PRLHR: variants seen among roughly 807,000 people sequenced by gnomAD.
PRLHR encodes the protein prolactin releasing hormone receptor, also known as prolactin-releasing peptide receptor.
Under a neutral mutation model 9.3 loss-of-function variants are expected in PRLHR, and 10 were observed. The observed-to-expected ratio is 1.08, with a 90% CI of 0.66 to 1.82. PRLHR has a LOEUF of 1.82. Among genes scored for constraint, PRLHR ranks in the 40% most tolerant of loss-of-function variants. The pLI is 0.00. For missense variants in PRLHR, 589 were observed against 512.0 expected (o/e 1.15, Z -1.45); for synonymous variants, 261 against 249.3 (o/e 1.05, Z -0.44).
At position 118,594,910 on chromosome 10, in the gene PRLHR, G is replaced by A. The variant is rs1045407572; in HGVS notation, c.335C>T (p.Ala112Val). 78 of 1,613,406 alleles carry A rather than the reference G, an allele frequency of 4.8e-5. No homozygotes were observed. Among genetic ancestry groups the A allele is most frequent in the Non-Finnish European group, 6.5e-5 (77 of 1,179,892 alleles). Residue 112 changes from alanine (A) to valine (V), a missense_variant, in exon 2 of 2, where the codon GCC becomes GTC. Physicochemically the swap from Ala to Val is moderately conservative, Grantham distance 64. Coordinates refer to ENST00000239032, the MANE Select transcript of PRLHR (RefSeq NM_004248.3). ...ATAGGCCAGCGTGAGCGGCACGCAG[G>A]CGGTGCACATGAGCACGTCGGACAA... ...LALSDVLMCT[A>V]CVPLTLAYAF...
At position 118,595,496 on chromosome 10, in the gene PRLHR, A is replaced by G. The variant is rs1844487823; in HGVS notation, c.-7+20T>C. ...CGGTCCTCGCAGTCCACGCAGGCAG[A>G]CTCAGGAGCGCGATCCTACCTGGGA... On this transcript the variant is annotated intron_variant, in intron 1 of 1. Coordinates refer to ENST00000239032, the MANE Select transcript of PRLHR (RefSeq NM_004248.3). 5 of 361,886 alleles carry G rather than the reference A, an allele frequency of 1.4e-5. No individual in the cohort carries two copies. Among genetic ancestry groups the G allele is most frequent in the Non-Finnish European group, 2.0e-5 (4 of 203,042 alleles). 22.4% of individuals were successfully genotyped at this position (361,886 alleles called of 1,614,324 possible).
Position 118,591,097 on chromosome 10 carries a change from GTTGTTTTTGT to G in PRLHR, c.*3025_*3034del, listed in dbSNP as rs1844428433. 1.4e-5 allele frequency: 2 copies of G among 148,130 alleles called. No homozygotes were observed. The highest frequency in any genetic ancestry group is 5.1e-5 in the African/African-American group (2 of 39,428). 9.2% of individuals were successfully genotyped at this position (148,130 alleles called of 1,614,324 possible). On this transcript the variant is annotated 3_prime_UTR_variant, in exon 2 of 2. Coordinates refer to ENST00000239032, the MANE Select transcript of PRLHR (RefSeq NM_004248.3). The stretch of plus-strand genomic sequence containing the variant: ...GTAAATTTGTTTTTTGTTGTTTTTT[GTTGTTTTTGT>G]TTTTTTTGTTTTTTTGAGACTAGAT...
Position 118,595,065 on chromosome 10 carries a change from C to G in PRLHR, c.180G>C (p.Lys60Asn), listed in dbSNP as rs1255030139. The change falls in exon 2 of 2, where the codon AAG (lysine) becomes AAC (asparagine). Residue 60 changes from lysine (K) to asparagine (N), a missense_variant. By Grantham distance (94) the Lys-to-Asn change is moderately conservative. Coordinates refer to ENST00000239032, the MANE Select transcript of PRLHR (RefSeq NM_004248.3). ...FQSLQLVHQL[K>N]GLIVLLYSVV... ...CGCTGTAGAGCAGCACGATCAGCCC[C>G]TTCAGCTGATGCACCAGCTGCAGGC... 5 of 1,605,910 alleles carry G rather than the reference C, an allele frequency of 3.1e-6. No homozygotes were observed. The highest frequency in any genetic ancestry group is 3.4e-6 in the Non-Finnish European group (4 of 1,174,702).
rs897722194 is a variant in PRLHR, at chr10:118,592,032, G to T, written c.*2100C>A. Reference sequence around the variant, plus strand: ...ATTCTTAAGGTGCTTAATCTTGGTTGCACATTAAAATCCCCTGAAGTGCTT... The same window carrying T: ...ATTCTTAAGGTGCTTAATCTTGGTTTCACATTAAAATCCCCTGAAGTGCTT... On this transcript the variant is annotated 3_prime_UTR_variant, in exon 2 of 2. Transcript: ENST00000239032. The T allele has an allele frequency of 6.6e-6, 1 of 151,878 alleles. No individual in the cohort carries two copies. Among genetic ancestry groups the T allele is most frequent in the Admixed American group, 6.6e-5 (1 of 15,258 alleles). The allele number at this position is 151,878 out of a possible 1,614,324, so 9.4% of individuals were successfully genotyped here.
At position 118,594,955 on chromosome 10, in the gene PRLHR, A is replaced by C. The variant is rs1392764720; in HGVS notation, c.290T>G (p.Phe97Cys). The C allele has an allele frequency of 6.2e-7, 1 of 1,613,660 alleles. No homozygotes were observed. The highest frequency in any genetic ancestry group is 1.1e-5 in the South Asian group (1 of 91,074). ...GGACAAGGCCAGGTTGCCGATGAGG[A>C]AGTTCGTCACGTTGTGCAGCCGGCG... is the stretch of plus-strand genomic sequence containing the variant. Reference protein sequence around the residue: ...RVRRLHNVTNFLIGNLALSDV... With the variant: ...RVRRLHNVTNCLIGNLALSDV... The change falls in exon 2 of 2, where the codon TTC (phenylalanine) becomes TGC (cysteine). Residue 97 changes from phenylalanine (F) to cysteine (C), a missense_variant. Physicochemically the swap from Phe to Cys is radical, Grantham distance 205. Transcript: ENST00000239032.
chr10:118,593,952 A>T lies in PRLHR; in HGVS notation c.*180T>A. 1 of 1,067,594 alleles carries T rather than the reference A, an allele frequency of 9.4e-7. No homozygotes were observed. 66.1% of individuals were successfully genotyped at this position (1,067,594 alleles called of 1,614,324 possible). Reference sequence around the variant, plus strand: ...CAAGACTCTCACCAAAGCCCGCTTAACATTTTACAAACACACAAGGACAAG... The same window carrying T: ...CAAGACTCTCACCAAAGCCCGCTTATCATTTTACAAACACACAAGGACAAG... On this transcript the variant is annotated 3_prime_UTR_variant, in exon 2 of 2. Transcript: ENST00000239032.
Position 118,594,276 on chromosome 10 carries a change from G to A in PRLHR, c.969C>T (p.Leu323=). The A allele has an allele frequency of 5.6e-6, 9 of 1,605,436 alleles. No individual in the cohort carries two copies. The highest frequency in any genetic ancestry group is 2.2e-5 in the South Asian group (2 of 89,972). The change falls in exon 2 of 2, where the codon CTC becomes CTT. Residue 323 remains leucine, a synonymous_variant. Coordinates refer to ENST00000239032, the MANE Select transcript of PRLHR (RefSeq NM_004248.3). ...FGLVQLLCHW[L]AMSSACYNPF... The stretch of plus-strand genomic sequence containing the variant: ...GGTTGTAGCAGGCCGAACTCATGGC[G>A]AGCCAGTGGCAGAGCAGCTGCACCA...
Position 118,594,234 on chromosome 10 carries a change from C to A in PRLHR, c.1011G>T (p.Trp337Cys). 6.3e-7 allele frequency: 1 copy of A among 1,598,694 alleles called. No homozygotes were observed. Among genetic ancestry groups the A allele is most frequent in the South Asian group, 1.1e-5 (1 of 88,072 alleles). Residue 337 changes from tryptophan (W) to cysteine (C), a missense_variant, in exon 2 of 2, where the codon TGG becomes TGT. Trp to Cys is a radical substitution (Grantham distance 215). Transcript: ENST00000239032. ...SACYNPFIYA[W>C]LHDSFREELR... ...GCTCCTCGCGGAAGCTGTCGTGCAG[C>A]CAGGCGTAGATGAAGGGGTTGTAGC...
At position 118,594,855 on chromosome 10, in the gene PRLHR, G is replaced by A; in HGVS notation, c.390C>T (p.Gly130=). ...AGAAGACCAGGTGGCACAGGCCGCC[G>A]CCGAACACCCAGCCGCGTGGCTCGA... ...YAFEPRGWVF[G]GGLCHLVFFL... is the part of the protein sequence containing the mutation. Residue 130 remains glycine, a synonymous_variant, in exon 2 of 2, where the codon GGC becomes GGT. Transcript: ENST00000239032. 6.2e-7 allele frequency: 1 copy of A among 1,613,250 alleles called. No individual in the cohort carries two copies. Among genetic ancestry groups the A allele is most frequent in the African/African-American group, 1.3e-5 (1 of 75,068 alleles).
rs1844455057 is a variant in PRLHR at position 118,593,968 on chromosome 10, C to CAAGG, written c.*160_*163dup. On this transcript the variant is annotated 3_prime_UTR_variant, in exon 2 of 2. Transcript: ENST00000239032. ...GCCCGCTTAACATTTTACAAACACA[C>CAAGG]AAGGACAAGACAGACAGCCGGACAA... 8.4e-7 allele frequency: 1 copy of CAAGG among 1,188,040 alleles called. No homozygotes were observed. The highest frequency in any genetic ancestry group is 3.1e-5 in the South Asian group (1 of 31,990). The allele number at this position is 1,188,040 out of a possible 1,614,324, so 73.6% of individuals were successfully genotyped here. A position where few individuals can be genotyped will look rare whatever the true frequency, so the allele number is the denominator to read the frequency against.
rs1394192336 is a variant in PRLHR, at chr10:118,594,894, C to G, written c.351G>C (p.Thr117=). The G allele has an allele frequency of 6.2e-7, 1 of 1,613,446 alleles. No homozygotes were observed. Among genetic ancestry groups the G allele is most frequent in the East Asian group, 2.2e-5 (1 of 44,866 alleles). The part of the protein sequence containing the change: ...VLMCTACVPL[T]LAYAFEPRGW... ...CGCGTGGCTCGAAGGCATAGGCCAG[C>G]GTGAGCGGCACGCAGGCGGTGCACA... Residue 117 remains threonine, a synonymous_variant, in exon 2 of 2, where the codon ACG becomes ACC. Transcript: ENST00000239032.
Position 118,594,018 on chromosome 10 carries a change from C to G in PRLHR, c.*114G>C. The G allele has an allele frequency of 1.4e-6, 2 of 1,424,178 alleles. No homozygotes were observed. Among genetic ancestry groups the G allele is most frequent in the Non-Finnish European group, 1.8e-6 (2 of 1,082,682 alleles). The allele number at this position is 1,424,178 out of a possible 1,614,324, so 88.2% of individuals were successfully genotyped here. A position where few individuals can be genotyped will look rare whatever the true frequency, so the allele number is the denominator to read the frequency against. On this transcript the variant is annotated 3_prime_UTR_variant, in exon 2 of 2. Coordinates refer to ENST00000239032, the MANE Select transcript of PRLHR (RefSeq NM_004248.3). Reference sequence around the variant, plus strand: ...AGAGGGCTGGGCTGGAAATGTTGCCCTATGTTGGCTTAGCTAGCTCTGGTG... The same window carrying G: ...AGAGGGCTGGGCTGGAAATGTTGCCGTATGTTGGCTTAGCTAGCTCTGGTG...
Position 118,591,675 on chromosome 10 carries a change from T to G in PRLHR, c.*2457A>C, listed in dbSNP as rs986283974. The G allele has an allele frequency of 3.3e-5, 5 of 151,602 alleles. No individual in the cohort carries two copies. Among genetic ancestry groups the G allele is most frequent in the South Asian group, 4.2e-4 (2 of 4,784 alleles). 9.4% of individuals were successfully genotyped at this position (151,602 alleles called of 1,614,324 possible). A position where few individuals can be genotyped will look rare whatever the true frequency, so the allele number is the denominator to read the frequency against. ...AAGCTTCATTCGGATGTTTCTGAGA[T>G]TCATTAGAAAGAGGATTCCCGCCCC... On this transcript the variant is annotated 3_prime_UTR_variant, in exon 2 of 2. Coordinates refer to ENST00000239032, the MANE Select transcript of PRLHR (RefSeq NM_004248.3).
chr10:118,594,845 A>G lies in PRLHR; in HGVS notation c.400T>C (p.Cys134Arg). 1 of 1,613,084 alleles carries G rather than the reference A, an allele frequency of 6.2e-7. No individual in the cohort carries two copies. The highest frequency in any genetic ancestry group is 1.1e-5 in the South Asian group (1 of 91,082). The change falls in exon 2 of 2, where the codon TGC (cysteine) becomes CGC (arginine). Residue 134 changes from cysteine (C) to arginine (R), a missense_variant. Transcript: ENST00000239032. ...GGCTGCAGGAAGAAGACCAGGTGGC[A>G]CAGGCCGCCGCCGAACACCCAGCCG... is the stretch of plus-strand genomic sequence containing the variant. ...PRGWVFGGGL[C>R]HLVFFLQPVT...
At position 118,594,827 on chromosome 10, in the gene PRLHR, G is replaced by A. The variant is rs766771474; in HGVS notation, c.418C>T (p.Leu140=). Residue 140 remains leucine, a synonymous_variant, in exon 2 of 2, where the codon CTG becomes TTG. Transcript: ENST00000239032. ...GGGLCHLVFF[L]QPVTVYVSVF... ...GACACATAGACGGTGACCGGCTGCA[G>A]GAAGAAGACCAGGTGGCACAGGCCG... 1 of 1,613,020 alleles carries A rather than the reference G, an allele frequency of 6.2e-7. No homozygotes were observed. Among genetic ancestry groups the A allele is most frequent in the South Asian group, 1.1e-5 (1 of 91,080 alleles).
chr10:118,594,854 C>A lies in PRLHR; in HGVS notation c.391G>T (p.Gly131Cys). ...AAGAAGACCAGGTGGCACAGGCCGC[C>A]GCCGAACACCCAGCCGCGTGGCTCG... ...AFEPRGWVFGGGLCHLVFFLQ... is the reference protein window; with the variant it reads ...AFEPRGWVFGCGLCHLVFFLQ... The change falls in exon 2 of 2, where the codon GGC (glycine) becomes TGC (cysteine). Residue 131 changes from glycine to cysteine, a missense_variant. Coordinates refer to ENST00000239032, the MANE Select transcript of PRLHR (RefSeq NM_004248.3). 1 of 1,613,266 alleles carries A rather than the reference C, an allele frequency of 6.2e-7. No individual in the cohort carries two copies. Among genetic ancestry groups the A allele is most frequent in the Non-Finnish European group, 8.5e-7 (1 of 1,179,880 alleles).
Position 118,594,678 on chromosome 10 carries a change from C to CACCG in PRLHR, c.563_566dup (p.Leu190GlyfsTer218). On this transcript the variant is annotated frameshift_variant, in exon 2 of 2. Transcript: ENST00000239032. LOFTEE classifies it low-confidence loss of function (END_TRUNC). ...TGTGCACGGCGGCGGGCAGCGCCAG[C>CACCG]ACCGCGGACAGCGCCCAGATGGCCA... 6.3e-7 allele frequency: 1 copy of CACCG among 1,586,894 alleles called. No individual in the cohort carries two copies. Among genetic ancestry groups the CACCG allele is most frequent in the Non-Finnish European group, 8.5e-7 (1 of 1,169,804 alleles).
chr10:118,594,894 C>T lies in PRLHR; in HGVS notation c.351G>A (p.Thr117=). ...CGCGTGGCTCGAAGGCATAGGCCAG[C>T]GTGAGCGGCACGCAGGCGGTGCACA... ...VLMCTACVPL[T]LAYAFEPRGW... Residue 117 remains threonine, a synonymous_variant, in exon 2 of 2, where the codon ACG becomes ACA. Coordinates refer to ENST00000239032, the MANE Select transcript of PRLHR (RefSeq NM_004248.3). The T allele has an allele frequency of 6.2e-7, 1 of 1,613,446 alleles. No homozygotes were observed. The highest frequency in any genetic ancestry group is 2.2e-5 in the East Asian group (1 of 44,866).
rs756908864 is a variant in PRLHR at position 118,595,144 on chromosome 10, G to A, written c.101C>T (p.Ala34Val). The A allele has an allele frequency of 5.0e-6, 8 of 1,597,272 alleles. No homozygotes were observed. The highest frequency in any genetic ancestry group is 1.3e-5 in the African/African-American group (1 of 74,898). ...CGCGCCAGCCACCGACCCGTTGCCC[G>A]CCGAGGCCTCTGCGCTCTGGTTGGC... ...TPANQSAEASAGNGSVAGADA... is the reference protein window; with the variant it reads ...TPANQSAEASVGNGSVAGADA... Residue 34 changes from alanine (A) to valine (V), a missense_variant, in exon 2 of 2, where the codon GCG becomes GTG. Ala to Val is a moderately conservative substitution (Grantham distance 64). Transcript: ENST00000239032.
Sources: allele counts gnomAD v4.1 joint callset, GRCh38; gene constraint gnomAD v4.1.1; transcripts MANE v1.5; gene names NCBI Gene and HGNC (gene_info 2026-07-23, HGNC 2026-07-21).